KLK14: variants seen among roughly 807,000 people sequenced by gnomAD.
KLK14 encodes kallikrein-14.
In KLK14, 21 loss-of-function variants were observed where a neutral mutation model predicts 24.6. The observed-to-expected ratio is 0.85, with a 90% CI of 0.61 to 1.23. KLK14 has a LOEUF of 1.23. Among genes scored for constraint, KLK14 ranks in the 50% most tolerant of loss-of-function variants. The pLI is 0.00. For synonymous variants in KLK14, 133 were observed against 139.7 expected (o/e 0.95, Z 0.34); for missense variants, 320 against 338.9 (o/e 0.94, Z 0.44).
In KLK14 at chr19:51,078,999, C is replaced by A. The variant is rs746487322; in HGVS notation, c.467-48G>T. 6.3e-7 allele frequency: 1 copy of A among 1,575,488 alleles called. No homozygotes were observed. The highest frequency in any genetic ancestry group is 1.1e-5 in the South Asian group (1 of 88,742). On this transcript the variant is annotated intron_variant, in intron 4 of 5. Coordinates refer to ENST00000650543, the MANE Select transcript of KLK14 (RefSeq NM_001369775.2). This position sits in a 1 kb window ranked among gnomAD's most constrained non-coding sequence, Gnocchi z 5.0. The stretch of plus-strand genomic sequence containing the variant: ...AACTGGGTCTACCCTCCCATAAGAC[C>A]CAAGGGTCCAGGCCCCCAGCCCCTC...
upstream of KLK14, among the ~76,000 whole-genome samples, chr19:51,083,325 G>T (rs2091852500): frequency 7.0e-6 from 1 of 143,480 alleles, no homozygotes; most frequent in Non-Finnish European, 1.5e-5. Flanking sequence ...GAGAGAGATG[G>T]AGAGAGAGAA....
chr19:51,080,150 C>G (rs927841197), intron 3 of KLK14, among the ~76,000 whole-genome samples: 2 of 151,992 alleles, frequency 1.3e-5, no homozygotes, highest in South Asian at 2.1e-4. Flanking sequence ...GATTCTAGAT[C>G]GAACCTGGAT....
intron 2 of KLK14, 102 bp from the exon 3 acceptor site, chr19:51,081,805 CTA>C (rs1348676077): frequency 9.4e-6 from 11 of 1,172,798 alleles, no homozygotes; most frequent in Non-Finnish European, 1.3e-5. Context: ...TCCTTTTGGT[CTA>C]ACCCCTAAAC....
At position 51,078,919 on chromosome 19, in the gene KLK14, T is replaced by G. The variant is rs1412079807; in HGVS notation, c.499A>C (p.Ile167Leu). 2 of 1,613,882 alleles carry G rather than the reference T, an allele frequency of 1.2e-6. No homozygotes were observed. The highest frequency in any genetic ancestry group is 2.7e-5 in the African/African-American group (2 of 74,902). The change falls in exon 5 of 6, where the codon ATC becomes CTC. Residue 167 changes from isoleucine to leucine, a missense_variant. Physicochemically the swap from Ile to Leu is conservative, Grantham distance 5. Transcript: ENST00000650543. This position sits in a 1 kb window ranked among gnomAD's most constrained non-coding sequence, Gnocchi z 5.0. Reference sequence around the variant, plus strand: ...CACACCTCATCCGGGGAGATGTTGATGTTCACGCATTGCAGAGAGGCGGGG... The same window carrying G: ...CACACCTCATCCGGGGAGATGTTGAGGTTCACGCATTGCAGAGAGGCGGGG... ...RYPASLQCVN[I>L]NISPDEVCQK...
At chr19:51,080,799 G>A (rs1417165276) in intron 3 of KLK14, among the ~76,000 whole-genome samples, 2 of 152,068 alleles carry the variant, frequency 1.3e-5, no homozygotes, top group African/African-American at 4.8e-5. Context: ...TCAGCCTCCC[G>A]AGTGGCTGGG....
At chr19:51,082,983 T>A (rs1245862535), upstream of KLK14, 3 of 581,074 alleles carry the variant, frequency 5.2e-6, no homozygotes, top group African/African-American at 1.9e-5. Context: ...TTTTTTTTTT[T>A]ATTGCCTAGT....
chr19:51,083,006 A>C, upstream of KLK14: 1 of 558,474 alleles, frequency 1.8e-6, no homozygotes, highest in Non-Finnish European at 3.2e-6. Flanking sequence ...CCATTCCAGG[A>C]CTCCCTGATC....
intron 2 of KLK14, 102 bp from the exon 3 acceptor site, chr19:51,081,805 C>T: frequency 8.5e-7 from 1 of 1,172,916 alleles, no homozygotes; most frequent in Non-Finnish European, 1.2e-6. Context: ...TCCTTTTGGT[C>T]TAACCCCTAA....
chr19:51,077,977 C>T lies in KLK14; in HGVS notation c.*30G>A, dbSNP rs564361380. 6.2e-7 allele frequency: 1 copy of T among 1,609,878 alleles called. No individual in the cohort carries two copies. The highest frequency in any genetic ancestry group is 1.3e-5 in the African/African-American group (1 of 74,956). ...AGTAGAGAGAGGAGGGCCTGGGCAG[C>T]TGACGAGGTCCATCCCACCGTGAAG... On this transcript the variant is annotated 3_prime_UTR_variant, in exon 6 of 6. Transcript: ENST00000650543.
Position 51,081,693 on chromosome 19 carries a change from CTGTGT to C in KLK14, c.46_50del (p.Thr16GlufsTer5). On this transcript the variant is annotated frameshift_variant, in exon 3 of 6. Coordinates refer to ENST00000650543, the MANE Select transcript of KLK14 (RefSeq NM_001369775.2). LOFTEE classifies it high-confidence loss of function. ...TTATCTTGTTCTCATCCTCTTGGCTCTGTGTCATGGCTAGGAGTGGACAGGATTGG... is the reference window on the plus strand; with the variant it reads ...TTATCTTGTTCTCATCCTCTTGGCTCCATGGCTAGGAGTGGACAGGATTGG... 1.3e-6 allele frequency: 2 copies of C among 1,545,872 alleles called. No individual in the cohort carries two copies. Among genetic ancestry groups the C allele is most frequent in the Non-Finnish European group, 1.8e-6 (2 of 1,142,790 alleles).
chr19:51,081,600 G>T lies in KLK14; in HGVS notation c.144C>A (p.Arg48=), dbSNP rs1199266568. The change falls in exon 3 of 6, where the codon CGC becomes CGA. Residue 48 remains arginine (R), a synonymous_variant. Transcript: ENST00000650543. ...WQAALLAGPR[R]RFLCGGALLS... is the part of the protein sequence containing the mutation. ...GCAGGGCGCCTCCGCAGAGGAAGCG[G>T]CGCCTGGGACCCGCCAGCAGGGCCG... 3.9e-6 allele frequency: 6 copies of T among 1,550,470 alleles called. No homozygotes were observed. The highest frequency in any genetic ancestry group is 5.2e-6 in the Non-Finnish European group (6 of 1,146,346).
chr19:51,077,920 G>A lies in KLK14; in HGVS notation c.*87C>T. On this transcript the variant is annotated 3_prime_UTR_variant, in exon 6 of 6. Coordinates refer to ENST00000650543, the MANE Select transcript of KLK14 (RefSeq NM_001369775.2). ...GGCCTGGACTCCTGGGTCTGAGGGA[G>A]GAGGGGCTGGGGCCTGGACTCCTGG... 2 of 1,514,450 alleles carry A rather than the reference G, an allele frequency of 1.3e-6. No individual in the cohort carries two copies. The highest frequency in any genetic ancestry group is 1.2e-5 in the South Asian group (1 of 81,618). 93.8% of individuals were successfully genotyped at this position (1,514,450 alleles called of 1,614,324 possible).
In KLK14 at chr19:51,079,432, G is replaced by A. The variant is rs1182936768; in HGVS notation, c.466+17C>T. The A allele has an allele frequency of 6.3e-7, 1 of 1,594,238 alleles. No homozygotes were observed. On this transcript the variant is annotated intron_variant, in intron 4 of 5. Transcript: ENST00000650543. The stretch of plus-strand genomic sequence containing the variant: ...CCAGGCCCAGTCCCCTGCTTTCCAA[G>A]ACGCAGGAGTCCTCACCGATGGGGC...
At chr19:51,080,016 C>T (rs1487160243) in intron 3 of KLK14, among the ~76,000 whole-genome samples, 5 of 152,160 alleles carry the variant, frequency 3.3e-5, no homozygotes, top group South Asian at 2.1e-4. Context: ...GAGTCCTAAG[C>T]GAAACTGCGT....
chr19:51,082,850 TTGA>T lies in KLK14; in HGVS notation c.-154_-152del. 8.1e-7 allele frequency: 1 copy of T among 1,238,136 alleles called. No individual in the cohort carries two copies. Among genetic ancestry groups the T allele is most frequent in the Non-Finnish European group, 1.2e-6 (1 of 869,034 alleles). 76.7% of individuals were successfully genotyped at this position (1,238,136 alleles called of 1,614,324 possible). ...TGTGGAGCAGGGCACAGGTCCCTCC[TTGA>T]TGTCTTGATGAAGGAAGGAGGGGAG... On this transcript the variant is annotated 5_prime_UTR_variant, in exon 1 of 6. Coordinates refer to ENST00000650543, the MANE Select transcript of KLK14 (RefSeq NM_001369775.2).
upstream of KLK14, among the ~76,000 whole-genome samples, chr19:51,083,772 T>C (rs377056414): frequency 2.1e-5 from 3 of 144,866 alleles, no homozygotes; most frequent in Admixed American, 2.0e-4. Flanking sequence ...AAGGTGGAGA[T>C]AGAATGGAAA....
chr19:51,080,880 T>A (rs1054242588), intron 3 of KLK14, among the ~76,000 whole-genome samples: 6 of 152,072 alleles, frequency 3.9e-5, no homozygotes, highest in Non-Finnish European at 1.5e-5. Context: ...TCTATGTTGC[T>A]CAGGCTGGTC....
chr19:51,082,830 A>G lies in KLK14; in HGVS notation c.-131T>C. Reference sequence around the variant, plus strand: ...GCGGGCGGCAGGTGGGAGGATGTGGAGCAGGGCACAGGTCCCTCCTTGATG... The same window carrying G: ...GCGGGCGGCAGGTGGGAGGATGTGGGGCAGGGCACAGGTCCCTCCTTGATG... On this transcript the variant is annotated 5_prime_UTR_variant, in exon 1 of 6. Transcript: ENST00000650543. 2.0e-6 allele frequency: 3 copies of G among 1,467,942 alleles called. No individual in the cohort carries two copies. The South Asian group carries it at 3.6e-5, about 17-fold the overall frequency. The allele number at this position is 1,467,942 out of a possible 1,614,324, so 90.9% of individuals were successfully genotyped here.
chr19:51,081,031 T>A (rs1423420948), intron 3 of KLK14, among the ~76,000 whole-genome samples: 1 of 152,234 alleles, frequency 6.6e-6, no homozygotes, highest in African/African-American at 2.4e-5. Context: ...TAGACTAGAC[T>A]CTGAACTAAA....
Sources: allele counts gnomAD v4.1 joint callset (sites outside exome capture counted in the v4.1 genomes callset), GRCh38; gene constraint gnomAD v4.1.1; non-coding constraint Gnocchi (gnomAD v3.1); transcripts MANE v1.5; gene names NCBI Gene and HGNC (gene_info 2026-07-23, HGNC 2026-07-21).